The following TXNRD1 variants were observed in gnomAD, a reference collection of about 807,000 sequenced individuals.
TXNRD1 encodes thioredoxin reductase 1, cytoplasmic.
In TXNRD1, 57 loss-of-function variants were observed where a neutral mutation model predicts 80.3. The observed-to-expected ratio is 0.71, with a 90% CI of 0.57 to 0.89. The LOEUF is 0.89. Ranked by LOEUF, TXNRD1 falls within the 40% of genes least tolerant of loss-of-function variation. The pLI is 0.00. For synonymous variants in TXNRD1, 291 were observed against 285.2 expected (o/e 1.02, Z -0.20); for missense variants, 730 against 803.0 (o/e 0.91, Z 1.10).
At chr12:104,305,995 C>T (rs61937911) in intron 4 of TXNRD1, among the ~76,000 whole-genome samples, 3,171 of 152,174 alleles carry the variant, frequency 0.021, 45 homozygotes, top group Non-Finnish European at 0.031. Flanking sequence ...CCTCTGCCTG[C>T]GGGGTTCAGG....
chr12:104,310,757 G>T (rs1004348403), intron 4 of TXNRD1, among the ~76,000 whole-genome samples: 3 of 152,172 alleles, frequency 2.0e-5, no homozygotes, highest in Non-Finnish European at 4.4e-5. Flanking sequence ...TTGCAGAGTT[G>T]TGCCTATTTA....
At chr12:104,229,124 C>G (rs2032545520) in intron 1 of TXNRD1, among the ~76,000 whole-genome samples, 1 of 150,608 alleles carries the variant, frequency 6.6e-6, no homozygotes, top group South Asian at 2.1e-4. Flanking sequence ...ATAGATTTGC[C>G]TATTCCGAGC....
At position 104,251,828 on chromosome 12, in the gene TXNRD1, G is replaced by T. The variant is rs535051744; in HGVS notation, c.243+150G>T. On this transcript the variant is annotated intron_variant, in intron 2 of 16. Transcript: ENST00000525566. The stretch of plus-strand genomic sequence containing the variant: ...CACCTGTAATCCCAGCACTTTGGGA[G>T]GCCAAGGTGAGTGGATCACAAGGTC... The T allele has an allele frequency of 1.3e-5, 10 of 796,656 alleles. No individual in the cohort carries two copies. In the Admixed American group the frequency reaches 2.4e-4, roughly 19 times the overall value. 49.3% of individuals were successfully genotyped at this position (796,656 alleles called of 1,614,324 possible). A position where few individuals can be genotyped will look rare whatever the true frequency, so the allele number is the denominator to read the frequency against.
intron 8 of TXNRD1, 116 bp downstream of exon 8, chr12:104,319,171 A>ATAGTCTGGG: frequency 8.0e-7 from 1 of 1,254,610 alleles, no homozygotes; most frequent in Non-Finnish European, 1.1e-6. Flanking sequence ...GACCCAGACT[A>ATAGTCTGGG]TCCAGTTTGG....
chr12:104,282,423 A>C (rs2033897509), intron 3 of TXNRD1, among the ~76,000 whole-genome samples: 1 of 152,098 alleles, frequency 6.6e-6, no homozygotes, highest in Admixed American at 6.5e-5. Context: ...GACAAGAATG[A>C]CCCAATTTTA....
chr12:104,325,456 T>C (rs372469827), intron 11 of TXNRD1, 27 bp downstream of exon 11: 738 of 1,534,846 alleles, frequency 4.8e-4, no homozygotes, highest in Middle Eastern at 1.7e-3. Context: ...GGTTAATACT[T>C]TATCAGAAAG....
chr12:104,242,103 A>C (rs1421048620), intron 1 of TXNRD1, among the ~76,000 whole-genome samples: 4 of 150,924 alleles, frequency 2.7e-5, no homozygotes, highest in Non-Finnish European at 4.4e-5. Flanking sequence ...ACACCTGGCT[A>C]TTTTTTTGTA....
At chr12:104,310,285 G>A (rs1467553690) in intron 4 of TXNRD1, among the ~76,000 whole-genome samples, 1 of 151,548 alleles carries the variant, frequency 6.6e-6, no homozygotes, top group Admixed American at 6.6e-5. Flanking sequence ...GAGTAGCTGA[G>A]ATTACAGGCA....
At chr12:104,245,286 C>G (rs928847663) in intron 1 of TXNRD1, among the ~76,000 whole-genome samples, 2 of 151,178 alleles carry the variant, frequency 1.3e-5, no homozygotes, top group African/African-American at 4.9e-5. Flanking sequence ...CTGCGGCAGG[C>G]GGGTCACCTG....
intron 1 of TXNRD1, among the ~76,000 whole-genome samples, chr12:104,244,007 TTC>T (rs1430654726): frequency 6.6e-6 from 1 of 152,218 alleles, no homozygotes; most frequent in African/African-American, 2.4e-5. Flanking sequence ...CATGCTACCT[TTC>T]TGTTTTCCAG....
intron 1 of TXNRD1, among the ~76,000 whole-genome samples, chr12:104,245,356 A>C (rs1245909049): frequency 6.6e-6 from 1 of 151,496 alleles, no homozygotes; most frequent in Non-Finnish European, 1.5e-5. Flanking sequence ...TACTAAAAAT[A>C]CAAAATTAGC....
intron 1 of TXNRD1, among the ~76,000 whole-genome samples, chr12:104,229,965 G>A (rs141325761): frequency 9.5e-4 from 145 of 152,188 alleles, no homozygotes; most frequent in African/African-American, 3.4e-3. Context: ...GAATAATGCT[G>A]AGAACCATCA....
At chr12:104,303,751 C>A in intron 4 of TXNRD1, 4 of 1,029,906 alleles carry the variant, frequency 3.9e-6, no homozygotes, top group Non-Finnish European at 4.0e-6. Context: ...GGGCGGGCGT[C>A]CTCGGCTCTA....
At chr12:104,305,140 A>G (rs894096442) in intron 4 of TXNRD1, 1 of 504,948 alleles carries the variant, frequency 2.0e-6, no homozygotes, top group African/African-American at 2.0e-5. Flanking sequence ...TCACTGGCAT[A>G]TTTATGGGAA....
intron 3 of TXNRD1, among the ~76,000 whole-genome samples, chr12:104,273,868 G>A (rs577379865): frequency 2.6e-5 from 4 of 151,966 alleles, no homozygotes; most frequent in South Asian, 4.2e-4. Flanking sequence ...TGGCTAACAC[G>A]GTGCAACCCT....
chr12:104,278,847 C>A (rs1401168721), intron 3 of TXNRD1, among the ~76,000 whole-genome samples: 1 of 152,164 alleles, frequency 6.6e-6, no homozygotes, highest in Non-Finnish European at 1.5e-5. Context: ...AAACTGAGGA[C>A]CCCCTAACAT....
intron 4 of TXNRD1, among the ~76,000 whole-genome samples, chr12:104,292,501 C>T (rs531484258): frequency 6.6e-6 from 1 of 151,124 alleles, no homozygotes; most frequent in South Asian, 2.1e-4. Context: ...TGGTGTGGTT[C>T]TCCTGCCTCA....
At chr12:104,217,208 C>T (rs2032234332) in intron 1 of TXNRD1, among the ~76,000 whole-genome samples, 1 of 151,908 alleles carries the variant, frequency 6.6e-6, no homozygotes, top group Non-Finnish European at 1.5e-5. Flanking sequence ...CATGTGCCAT[C>T]CTCAGGATCT....
rs139706984 is a variant in TXNRD1 at position 104,248,300 on chromosome 12, T to C, written c.92-3227T>C. ...ATTTATTTATTTACTTATTTATTTA[T>C]TGGAGACAGAGTCTCACTCTGTTGC... On this transcript the variant is annotated intron_variant, in intron 1 of 16. Coordinates refer to ENST00000525566, the MANE Select transcript of TXNRD1 (RefSeq NM_001093771.3). Among the ~76,000 whole-genome samples, 53 of 152,296 alleles carry C rather than the reference T, an allele frequency of 3.5e-4. No individual in the cohort carries two copies. In the South Asian group the frequency reaches 3.5e-3, roughly 10 times the overall value.
Sources: allele counts gnomAD v4.1 joint callset (sites outside exome capture counted in the v4.1 genomes callset), GRCh38; gene constraint gnomAD v4.1.1; transcripts MANE v1.5; gene names NCBI Gene and HGNC (gene_info 2026-07-23, HGNC 2026-07-21).